DYNC1H1: variants seen among roughly 807,000 people sequenced by gnomAD.
The protein encoded by DYNC1H1 is dynein cytoplasmic 1 heavy chain 1, also known as cytoplasmic dynein 1 heavy chain 1.
DYNC1H1 carries 51 observed loss-of-function variants against 527.1 expected under a neutral mutation model. The observed-to-expected ratio is 0.10, with a 90% CI of 0.08 to 0.12. The LOEUF is 0.12. Among genes scored for constraint, DYNC1H1 ranks in the 10% least tolerant of loss-of-function variants. The pLI is 1.00. For synonymous variants in DYNC1H1, 2,189 were observed against 2,278.8 expected, an observed-to-expected ratio of 0.96 and a Z score of 1.12; for missense variants, 2,771 against 5,971.8, an observed-to-expected ratio of 0.46 and a Z score of 17.66.
chr14:101,980,241 T>G (rs2047847917), intron 4 of DYNC1H1, 123 bp from the exon 5 acceptor site: 27 of 1,315,644 alleles, frequency 2.1e-5, no homozygotes, highest in Non-Finnish European at 4.3e-6. Flanking sequence ...CACTTTTGAT[T>G]TACAGGGAAG....
intron 43 of DYNC1H1, among the ~76,000 whole-genome samples, chr14:102,025,758 G>A (rs1187207299): frequency 6.6e-6 from 1 of 152,060 alleles, no homozygotes; most frequent in Non-Finnish European, 1.5e-5. Flanking sequence ...GTGTGCATAG[G>A]TATCCGTTAG....
chr14:102,026,456 A>G, intron 43 of DYNC1H1, 118 bp from the exon 44 acceptor site: 1 of 1,129,660 alleles, frequency 8.9e-7, no homozygotes, highest in Admixed American at 2.2e-5. Context: ...GTTATAAATG[A>G]TACCTTTTTT....
Position 102,020,109 on chromosome 14 carries a change from T to TA in DYNC1H1, c.8507+54dup, listed in dbSNP as rs1051555615. 40 of 1,603,570 alleles carry TA rather than the reference T, an allele frequency of 2.5e-5. No homozygotes were observed. In the African/African-American group the frequency reaches 4.0e-4, roughly 16 times the overall value. The stretch of plus-strand genomic sequence containing the variant: ...CCCATTCTCCCCTGCTCTGAGTTCT[T>TA]ACAGCTGTCGAAGCTGGGGTCTTTG... On this transcript the variant is annotated intron_variant, in intron 42 of 77. Transcript: ENST00000360184. This position sits in a 1 kb window ranked among gnomAD's most constrained non-coding sequence, Gnocchi z 4.3.
Position 102,012,371 on chromosome 14 carries a change from C to T in DYNC1H1, c.6915C>T (p.Gly2305=), listed in dbSNP as rs764983958. Reference sequence around the variant, plus strand: ...AGCGCCAGTGGATCGTCTTCGATGGCGATGTGGATCCAGAGTGGGTTGAGA... The same window carrying T: ...AGCGCCAGTGGATCGTCTTCGATGGTGATGTGGATCCAGAGTGGGTTGAGA... The part of the protein sequence containing the change: ...LQKRQWIVFD[G]DVDPEWVENL... The change falls in exon 34 of 78, where the codon GGC becomes GGT. Residue 2305 remains glycine, a synonymous_variant. Transcript: ENST00000360184. The surrounding 1 kb of genome is among the most constrained non-coding windows in gnomAD (Gnocchi z 4.9). 9.3e-6 allele frequency: 15 copies of T among 1,614,078 alleles called. No homozygotes were observed. Among genetic ancestry groups the T allele is most frequent in the South Asian group, 7.7e-5 (7 of 91,090 alleles).
At position 102,012,651 on chromosome 14, in the gene DYNC1H1, G is replaced by A. The variant is rs17512390; in HGVS notation, c.7014+181G>A. ...GATTTTTTTTCCATTTCCATGGCTA[G>A]TGAGAAACATTTTAATAGGTTTTAT... On this transcript the variant is annotated intron_variant, in intron 34 of 77. Coordinates refer to ENST00000360184, the MANE Select transcript of DYNC1H1 (RefSeq NM_001376.5). This position sits in a 1 kb window ranked among gnomAD's most constrained non-coding sequence, Gnocchi z 4.9. 3.4e-5 allele frequency: 26 copies of A among 771,406 alleles called. No homozygotes were observed. The highest frequency in any genetic ancestry group is 4.8e-5 in the Non-Finnish European group (22 of 462,068). 47.8% of individuals were successfully genotyped at this position (771,406 alleles called of 1,614,324 possible).
Position 102,038,694 on chromosome 14 carries a change from G to A in DYNC1H1, c.11056-4G>A, listed in dbSNP as rs1347112549. ...ACAGACTGTTCTGTTACCTATTTTG[G>A]CAGGTCGAGTTCCCACCAGATCTCT... On this transcript the variant is annotated splice_polypyrimidine_tract_variant and splice_region_variant and intron_variant, in intron 58 of 77. Coordinates refer to ENST00000360184, the MANE Select transcript of DYNC1H1 (RefSeq NM_001376.5). This position sits in a 1 kb window ranked among gnomAD's most constrained non-coding sequence, Gnocchi z 7.2. 4 of 1,614,214 alleles carry A rather than the reference G, an allele frequency of 2.5e-6. No homozygotes were observed. The Admixed American group carries it at 5.0e-5, about 20-fold the overall frequency.
chr14:101,984,050 C>T (rs976574751), intron 7 of DYNC1H1, among the ~76,000 whole-genome samples: 1 of 152,138 alleles, frequency 6.6e-6, no homozygotes, highest in Non-Finnish European at 1.5e-5. Flanking sequence ...TCACTGCAGC[C>T]TTCGCCTCCC....
rs1201671676 is a variant in DYNC1H1 at position 101,990,991 on chromosome 14, G to C, written c.2869-536G>C. ...ATCACTGCACTCCAGCCTGGCGACAGAGTGAGACTCCGTCTCAAAAAAAAA... is the reference window on the plus strand; with the variant it reads ...ATCACTGCACTCCAGCCTGGCGACACAGTGAGACTCCGTCTCAAAAAAAAA... On this transcript the variant is annotated intron_variant, in intron 10 of 77. Transcript: ENST00000360184. 4.1e-5 allele frequency among the ~76,000 whole-genome samples: 6 copies of C among 147,658 alleles called. 1 individual carries two copies. Among genetic ancestry groups the C allele is most frequent in the Middle Eastern group, 6.9e-3 (2 of 288 alleles).
At position 101,997,438 on chromosome 14, in the gene DYNC1H1, A is replaced by G. The variant is rs139885049; in HGVS notation, c.3804+164A>G. ...GCAGATGGAGATAGCAAATGTGAAA[A>G]TATGAAGCCCAGCTTAGACCTCTTT... is the stretch of plus-strand genomic sequence containing the variant. On this transcript the variant is annotated intron_variant, in intron 16 of 77. Transcript: ENST00000360184. This position sits in a 1 kb window ranked among gnomAD's most constrained non-coding sequence, Gnocchi z 4.8. Among the ~76,000 whole-genome samples the G allele has an allele frequency of 6.6e-6, 1 of 152,338 alleles. No individual in the cohort carries two copies. The highest frequency in any genetic ancestry group is 1.9e-4 in the East Asian group (1 of 5,194).
At chr14:101,982,848 A>G (rs768873860) in intron 5 of DYNC1H1, among the ~76,000 whole-genome samples, 171 bp from the exon 6 acceptor site, 4 of 152,164 alleles carry the variant, frequency 2.6e-5, no homozygotes, top group Non-Finnish European at 5.9e-5. Context: ...GCAAAAATGG[A>G]GCGCCACTAG....
At chr14:101,973,230 C>T (rs1252180646) in intron 1 of DYNC1H1, among the ~76,000 whole-genome samples, 5 of 148,972 alleles carry the variant, frequency 3.4e-5, no homozygotes, top group Admixed American at 6.7e-5. Flanking sequence ...TCAATCTCAG[C>T]TCACTGCAAC....
chr14:102,031,693 G>A (rs1172724689), intron 51 of DYNC1H1, among the ~76,000 whole-genome samples: 2 of 151,988 alleles, frequency 1.3e-5, no homozygotes, highest in African/African-American at 2.4e-5. Context: ...AGTGGCTCAC[G>A]CCTGTAATCC....
rs1039311857 is a variant in DYNC1H1, at chr14:102,010,703, A to G, written c.6406-37A>G. The G allele has an allele frequency of 1.9e-6, 3 of 1,610,380 alleles. No homozygotes were observed. In the African/African-American group the frequency reaches 4.0e-5, roughly 22 times the overall value. On this transcript the variant is annotated intron_variant, in intron 31 of 77. Coordinates refer to ENST00000360184, the MANE Select transcript of DYNC1H1 (RefSeq NM_001376.5). The surrounding 1 kb of genome is among the most constrained non-coding windows in gnomAD (Gnocchi z 6.0). ...GGATGCAGCGGGCAGTACTTGAGCC[A>G]TGCTGCGCTGCTCACAGCCCAGCCC...
chr14:102,038,318 A>G lies in DYNC1H1; in HGVS notation c.10909-142A>G. ...AGTTCATTTAAATGTAAGTAGCCACACATAGCTAGTGGCCACCACACGCAA... is the reference window on the plus strand; with the variant it reads ...AGTTCATTTAAATGTAAGTAGCCACGCATAGCTAGTGGCCACCACACGCAA... On this transcript the variant is annotated intron_variant, in intron 57 of 77. Transcript: ENST00000360184. This position sits in a 1 kb window ranked among gnomAD's most constrained non-coding sequence, Gnocchi z 7.2. 7.4e-7 allele frequency: 1 copy of G among 1,344,250 alleles called. No homozygotes were observed. The highest frequency in any genetic ancestry group is 1.2e-5 in the South Asian group (1 of 80,648). 83.3% of individuals were successfully genotyped at this position (1,344,250 alleles called of 1,614,324 possible).
At chr14:102,000,484 TTTGTA>T in intron 18 of DYNC1H1, 85 bp downstream of exon 18, 1 of 1,278,398 alleles carries the variant, frequency 7.8e-7, no homozygotes, top group Non-Finnish European at 1.1e-6. Flanking sequence ...AGTTTGTGTA[TTTGTA>T]TTGTGAGTTC....
chr14:101,995,750 GCC>G (rs1391267074), intron 15 of DYNC1H1, among the ~76,000 whole-genome samples: 1 of 151,992 alleles, frequency 6.6e-6, no homozygotes, highest in Non-Finnish European at 1.5e-5. Flanking sequence ...TGTTACAACA[GCC>G]TGATGTGCTT....
At position 102,034,050 on chromosome 14, in the gene DYNC1H1, C is replaced by G. The variant is rs2152592159; in HGVS notation, c.10488C>G (p.Phe3496Leu). 4 of 1,614,118 alleles carry G rather than the reference C, an allele frequency of 2.5e-6. No individual in the cohort carries two copies. Among genetic ancestry groups the G allele is most frequent in the Non-Finnish European group, 3.4e-6 (4 of 1,180,036 alleles). The change falls in exon 55 of 78, where the codon TTC becomes TTG. Residue 3496 changes from phenylalanine (F) to leucine (L), a missense_variant. Physicochemically the swap from Phe to Leu is conservative, Grantham distance 22 (BLOSUM62 0). This residue lies in a region of DYNC1H1 where 283 missense variants were observed against 737.6 expected (regional missense o/e 0.38). Transcript: ENST00000360184. ...GATGGGAAAAAACAAGTGAAACTTT[C>G]AAAAACCAGATGTCCACCATTGCTG... ...RERWEKTSETFKNQMSTIAGD... is the reference protein window; with the variant it reads ...RERWEKTSETLKNQMSTIAGD...
chr14:102,038,261 G>A lies in DYNC1H1; in HGVS notation c.10909-199G>A. 1.2e-6 allele frequency: 1 copy of A among 858,288 alleles called. No homozygotes were observed. Among genetic ancestry groups the A allele is most frequent in the East Asian group, 2.8e-5 (1 of 35,716 alleles). 53.2% of individuals were successfully genotyped at this position (858,288 alleles called of 1,614,324 possible). A position where few individuals can be genotyped will look rare whatever the true frequency, so the allele number is the denominator to read the frequency against. On this transcript the variant is annotated intron_variant, in intron 57 of 77. Coordinates refer to ENST00000360184, the MANE Select transcript of DYNC1H1 (RefSeq NM_001376.5). This position sits in a 1 kb window ranked among gnomAD's most constrained non-coding sequence, Gnocchi z 7.2. ...CCCAAAGTGCTGGAATTACAGGCGTGAGCCACCGCATCTGGCTGAGTTTTT... is the reference window on the plus strand; with the variant it reads ...CCCAAAGTGCTGGAATTACAGGCGTAAGCCACCGCATCTGGCTGAGTTTTT...
At chr14:101,973,356 C>T (rs941603086) in intron 1 of DYNC1H1, among the ~76,000 whole-genome samples, 3 of 152,074 alleles carry the variant, frequency 2.0e-5, no homozygotes, top group Non-Finnish European at 4.4e-5. Flanking sequence ...TATAGGGTTT[C>T]ACCATGTTGG....
Sources: gnomAD v4.1 joint callset for allele counts (sites outside exome capture counted in the v4.1 genomes callset) on GRCh38, gnomAD v4.1.1 for gene constraint, gnomAD v4.1.1 regional missense constraint, Gnocchi (gnomAD v3.1) non-coding constraint, MANE v1.5 for transcripts, NCBI Gene and HGNC (gene_info 2026-07-23, HGNC 2026-07-21) for gene names.